Variants in KCTD10 observed in about 807,000 individuals in gnomAD.
KCTD10 encodes the protein BTB/POZ domain-containing adapter for CUL3-mediated RhoA degradation protein 3.
In KCTD10, 13 loss-of-function variants were observed where a neutral mutation model predicts 34.6. The observed-to-expected ratio is 0.38, with a 90% CI of 0.24 to 0.60. The LOEUF (loss-of-function observed/expected upper bound fraction) is 0.60. Among genes scored for constraint, KCTD10 ranks in the 20% least tolerant of loss-of-function variants. The pLI, the probability that KCTD10 is intolerant of heterozygous loss-of-function variation, is 0.66. For missense variants in KCTD10, 256 were observed against 420.3 expected (o/e 0.61, Z 3.42); for synonymous variants, 156 against 168.8 (o/e 0.92, Z 0.59).
chr12:109,466,753 A>C (rs1873611792), intron 2 of KCTD10, among the ~76,000 whole-genome samples: 1 of 152,264 alleles, frequency 6.6e-6, no homozygotes. Context: ...GGACCTTCAA[A>C]GCCCCTGTCC....
At chr12:109,458,142 C>A in intron 3 of KCTD10, 64 bp from the exon 4 acceptor site, 1 of 1,352,788 alleles carries the variant, frequency 7.4e-7, no homozygotes, top group South Asian at 1.2e-5. Context: ...TTAAAGTTGA[C>A]CGGCTGGACA....
At chr12:109,455,946 T>G (rs1872994504) in intron 6 of KCTD10, among the ~76,000 whole-genome samples, 172 bp downstream of exon 6, 1 of 152,174 alleles carries the variant, frequency 6.6e-6, no homozygotes, top group Non-Finnish European at 1.5e-5. Flanking sequence ...AGATGAACCC[T>G]ACATTTGGCT....
At chr12:109,474,801 AATC>A (rs1167351005) in intron 1 of KCTD10, among the ~76,000 whole-genome samples, 1 of 152,186 alleles carries the variant, frequency 6.6e-6, no homozygotes, top group Non-Finnish European at 1.5e-5. Flanking sequence ...GAAGGGGGAA[AATC>A]ATCGACTGAA....
intron 1 of KCTD10, chr12:109,469,993 T>C: frequency 8.3e-7 from 1 of 1,198,186 alleles, no homozygotes; most frequent in East Asian, 3.5e-5. Flanking sequence ...GGGCCATGCA[T>C]CCCCTAGTTT....
At chr12:109,468,747 A>G (rs1032761368) in intron 2 of KCTD10, among the ~76,000 whole-genome samples, 1 of 147,040 alleles carries the variant, frequency 6.8e-6, no homozygotes, top group Admixed American at 6.9e-5. Context: ...CCGCCTCCCG[A>G]GTTCACGTCA....
intron 2 of KCTD10, among the ~76,000 whole-genome samples, chr12:109,461,379 T>C (rs1029515996): frequency 1.3e-5 from 2 of 152,096 alleles, no homozygotes; most frequent in Non-Finnish European, 2.9e-5. Flanking sequence ...CAACAAGCAC[T>C]TAGTGGCTAG....
chr12:109,477,168 AC>A, intron 1 of KCTD10, 91 bp downstream of exon 1: 16 of 1,485,220 alleles, frequency 1.1e-5, no homozygotes, highest in Non-Finnish European at 1.5e-5. Flanking sequence ...CCCTCATCAC[AC>A]CCCCTCCTCT....
intron 2 of KCTD10, chr12:109,464,762 AGGTACCATATCAT>A (rs1873510346): frequency 2.2e-6 from 1 of 447,942 alleles, no homozygotes; most frequent in African/African-American, 2.0e-5. Flanking sequence ...GAATAAAACA[AGGTACCATATCAT>A]ACTCACCAGA....
At position 109,469,652 on chromosome 12, in the gene KCTD10, G is replaced by A. The variant is rs555661626; in HGVS notation, c.80C>T (p.Thr27Met). ...CTTCACGTATTTGGAGCTGGGGCTC[G>A]TGCCCTTGAAGGAAGTGGTGCGGGT... ...AATRTTSFKG[T>M]SPSSKYVKLN... is the part of the protein sequence containing the mutation. The change falls in exon 2 of 7, where the codon ACG becomes ATG. Residue 27 changes from threonine (T) to methionine (M), a missense_variant. Physicochemically the swap from Thr to Met is moderately conservative, Grantham distance 81 (BLOSUM62 -1). Around this residue, in one of 3 missense-constraint regions of KCTD10, gnomAD observed 155 missense variants for 207.0 expected, o/e 0.75. Coordinates refer to ENST00000228495, the MANE Select transcript of KCTD10 (RefSeq NM_031954.5). 36 of 1,614,204 alleles carry A rather than the reference G, an allele frequency of 2.2e-5. No individual in the cohort carries two copies. The South Asian group carries it at 2.7e-4, about 12-fold the overall frequency.
chr12:109,451,773 T>A lies in KCTD10; in HGVS notation c.764A>T (p.Asn255Ile). 6.2e-7 allele frequency: 1 copy of A among 1,614,098 alleles called. No homozygotes were observed. Reference protein sequence around the residue: ...PEARIYEETLNILLYEAQDGR... With the variant: ...PEARIYEETLIILLYEAQDGR... ...ATCCTGGGCCTCATACAGCAAAATG[T>A]TCAGGGTCTCCTCATAAATCCGGGC... Residue 255 changes from asparagine (N) to isoleucine (I), a missense_variant, in exon 7 of 7, where the codon AAC (asparagine) becomes ATC (isoleucine). Physicochemically the swap from Asn to Ile is moderately radical, Grantham distance 149. This residue lies in a region of KCTD10 where 41 missense variants were observed against 124.2 expected (regional missense o/e 0.33). Transcript: ENST00000228495. This position sits in a 1 kb window ranked among gnomAD's most constrained non-coding sequence, Gnocchi z 5.0.
rs147146623 is a variant in KCTD10, at chr12:109,469,690, C to T, written c.42G>A (p.Val14=). 91 of 1,614,094 alleles carry T rather than the reference C, an allele frequency of 5.6e-5. No individual in the cohort carries two copies. The highest frequency in any genetic ancestry group is 1.4e-5 in the Non-Finnish European group (16 of 1,180,054). The change falls in exon 2 of 7, where the codon GTG becomes GTA. Residue 14 remains valine, a synonymous_variant. Transcript: ENST00000228495. The part of the protein sequence containing the change: ...MSGESVVSSA[V]PAAATRTTSF... ...AAGTGGTGCGGGTAGCAGCCGCTGG[C>T]ACCGCTGAGCTCACCACACTTTCTC...
Position 109,451,951 on chromosome 12 carries a change from C to G in KCTD10, c.724-138G>C. The G allele has an allele frequency of 1.6e-6, 1 of 639,130 alleles. No individual in the cohort carries two copies. Among genetic ancestry groups the G allele is most frequent in the African/African-American group, 1.9e-5 (1 of 53,410 alleles). The allele number at this position is 639,130 out of a possible 1,614,324, so 39.6% of individuals were successfully genotyped here. ...GCCACCAGTATTATTTTTAAATAAA[C>G]TGATATTTTCAATGGCAACACTTAC... On this transcript the variant is annotated intron_variant, in intron 6 of 6. Transcript: ENST00000228495. The surrounding 1 kb of genome is among the most constrained non-coding windows in gnomAD (Gnocchi z 5.0).
At chr12:109,475,369 C>T (rs962438880) in intron 1 of KCTD10, among the ~76,000 whole-genome samples, 6 of 152,010 alleles carry the variant, frequency 3.9e-5, no homozygotes, top group Non-Finnish European at 7.4e-5. Flanking sequence ...CCCAGCTACT[C>T]GGGAGACTGC....
rs181241126 is a variant in KCTD10, at chr12:109,465,609, C to G, written c.217+3906G>C. The stretch of plus-strand genomic sequence containing the variant: ...TACCTTTGGAAGGGAGAGGGACAAA[C>G]AGAGAAGGCACAAAGGGGCCCCACA... On this transcript the variant is annotated intron_variant, in intron 2 of 6. Transcript: ENST00000228495. Among the ~76,000 whole-genome samples the G allele has an allele frequency of 3.9e-5, 6 of 152,286 alleles. No individual in the cohort carries two copies. In the East Asian group the frequency reaches 1.2e-3, roughly 29 times the overall value.
chr12:109,457,893 C>T, intron 4 of KCTD10, 99 bp downstream of exon 4: 1 of 1,145,932 alleles, frequency 8.7e-7, no homozygotes, highest in South Asian at 1.3e-5. Flanking sequence ...TCAGGCCTCA[C>T]TCAGGCAATT....
At chr12:109,454,302 AG>A (rs938472429) in intron 6 of KCTD10, among the ~76,000 whole-genome samples, 1 of 152,248 alleles carries the variant, frequency 6.6e-6, no homozygotes, top group African/African-American at 2.4e-5. Context: ...ATGGAAACAT[AG>A]GGAGTCTCAG....
At chr12:109,456,436 A>G (rs1873023103) in intron 5 of KCTD10, 123 bp from the exon 6 acceptor site, 1 of 793,410 alleles carries the variant, frequency 1.3e-6, no homozygotes, top group Middle Eastern at 2.2e-4. Flanking sequence ...CAACCTCACA[A>G]TAATCCCATG....
chr12:109,456,548 C>CA, intron 5 of KCTD10: 2 of 539,604 alleles, frequency 3.7e-6, no homozygotes, highest in Non-Finnish European at 6.7e-6. Flanking sequence ...ACACGCCCCC[C>CA]AAAAGACAGC....
At position 109,451,551 on chromosome 12, in the gene KCTD10, G is replaced by C; in HGVS notation, c.*44C>G. The stretch of plus-strand genomic sequence containing the variant: ...ACAGGATCTGGGTGTAGCACGGCAG[G>C]GAGTGGGGGCGGTGAGAGGAGGGCG... On this transcript the variant is annotated 3_prime_UTR_variant, in exon 7 of 7. Coordinates refer to ENST00000228495, the MANE Select transcript of KCTD10 (RefSeq NM_031954.5). This position sits in a 1 kb window ranked among gnomAD's most constrained non-coding sequence, Gnocchi z 5.0. The C allele has an allele frequency of 1.3e-6, 2 of 1,550,784 alleles. No individual in the cohort carries two copies. Among genetic ancestry groups the C allele is most frequent in the Admixed American group, 3.4e-5 (2 of 58,114 alleles).
Sources: gnomAD v4.1 joint callset for allele counts (sites outside exome capture counted in the v4.1 genomes callset) on GRCh38, gnomAD v4.1.1 for gene constraint, gnomAD v4.1.1 regional missense constraint, Gnocchi (gnomAD v3.1) non-coding constraint, MANE v1.5 for transcripts, NCBI Gene and HGNC (gene_info 2026-07-23, HGNC 2026-07-21) for gene names.